The following SBNO1 variants were observed in gnomAD, a reference collection of about 807,000 sequenced individuals.
SBNO1 encodes the protein protein strawberry notch homolog 1.
SBNO1 carries 23 observed loss-of-function variants against 173.6 expected under a neutral mutation model. The ratio of observed to expected loss-of-function variants is 0.13; its 90% confidence interval spans 0.10 to 0.19. The LOEUF (loss-of-function observed/expected upper bound fraction) is 0.19. SBNO1 is among the 10% of genes least tolerant of loss of function. The pLI is 1.00. For missense variants in SBNO1, 1,238 were observed against 1,671.2 expected, an observed-to-expected ratio of 0.74 and a Z score of 4.52; for synonymous variants, 632 against 571.5, an observed-to-expected ratio of 1.11 and a Z score of -1.51.
intron 1 of SBNO1, among the ~76,000 whole-genome samples, chr12:123,354,900 C>A (rs1273869247): frequency 6.6e-6 from 1 of 152,124 alleles, no homozygotes; most frequent in Non-Finnish European, 1.5e-5. Context: ...ATCATAAATA[C>A]ATTTGAAAGC....
chr12:123,304,351 C>T (rs1446650555), intron 29 of SBNO1: 3 of 347,566 alleles, frequency 8.6e-6, no homozygotes, highest in Non-Finnish European at 1.6e-5. Flanking sequence ...TCTCCTACCT[C>T]GGCCTCCCAA....
chr12:123,304,594 C>CT lies in SBNO1; in HGVS notation c.3755dup (p.Lys1253GlufsTer3). On this transcript the variant is annotated frameshift_variant, in exon 29 of 32. Transcript: ENST00000602398. LOFTEE classifies it high-confidence loss of function. ...AATGAAAAAATACCTTCTTATATTT[C>CT]TTTTTTAGATCAGCATAAATTTCTA... The CT allele has an allele frequency of 6.4e-7, 1 of 1,552,632 alleles. No homozygotes were observed. Among genetic ancestry groups the CT allele is most frequent in the Non-Finnish European group, 8.9e-7 (1 of 1,126,188 alleles).
chr12:123,333,977 T>C, intron 7 of SBNO1, 76 bp downstream of exon 7: 2 of 940,814 alleles, frequency 2.1e-6, no homozygotes, highest in Non-Finnish European at 1.5e-6. Flanking sequence ...AAGGAAAAGT[T>C]ACCTTTAGAT....
At chr12:123,314,068 G>A (rs1246577384) in intron 23 of SBNO1, among the ~76,000 whole-genome samples, 3 of 151,936 alleles carry the variant, frequency 2.0e-5, no homozygotes, top group African/African-American at 7.3e-5. Context: ...TGGGCGACAA[G>A]AGCAAAAAAC....
rs796508503 is a variant in SBNO1, at chr12:123,350,228, T to G, written c.132+82A>C. 7 of 1,521,618 alleles carry G rather than the reference T, an allele frequency of 4.6e-6. No individual in the cohort carries two copies. The African/African-American group carries it at 8.3e-5, about 18-fold the overall frequency. 94.3% of individuals were successfully genotyped at this position (1,521,618 alleles called of 1,614,324 possible). On this transcript the variant is annotated intron_variant, in intron 2 of 31. Coordinates refer to ENST00000602398, the MANE Select transcript of SBNO1 (RefSeq NM_001167856.3). Reference sequence around the variant, plus strand: ...ATGACTGCACCACTGCACCCCAGCCTGGGCCACAGAGTGAGACTATCTTAA... The same window carrying G: ...ATGACTGCACCACTGCACCCCAGCCGGGGCCACAGAGTGAGACTATCTTAA...
chr12:123,319,864 G>A (rs762453672), intron 20 of SBNO1, 36 bp downstream of exon 20: 1 of 1,597,940 alleles, frequency 6.3e-7, no homozygotes, highest in African/African-American at 1.3e-5. Flanking sequence ...TACAGGCATT[G>A]TTCTTTTCAC....
chr12:123,337,215 T>C (rs948206841), intron 5 of SBNO1, among the ~76,000 whole-genome samples: 2 of 152,224 alleles, frequency 1.3e-5, no homozygotes, highest in South Asian at 4.1e-4. Context: ...AAACCCAGAC[T>C]GTCCTCGGCA....
At chr12:123,299,705 A>AAAAAAAAAAAAAAAC (rs1566020279) in intron 30 of SBNO1, among the ~76,000 whole-genome samples, 1 of 150,720 alleles carries the variant, frequency 6.6e-6, no homozygotes, top group Non-Finnish European at 1.5e-5. Flanking sequence ...AAAAACAAAA[A>AAAAAAAAAAAAAAAC]AGCCAAGTGT....
rs371947778 is a variant in SBNO1, at chr12:123,309,693, A to G, written c.3442+17T>C. ...TTTCCCTGGGGACATTGTGGGGGGG[A>G]AATTTTCCCTACTTACCTAAGATTC... is the stretch of plus-strand genomic sequence containing the variant. On this transcript the variant is annotated intron_variant, in intron 26 of 31. Coordinates refer to ENST00000602398, the MANE Select transcript of SBNO1 (RefSeq NM_001167856.3). 194 of 1,609,934 alleles carry G rather than the reference A, an allele frequency of 1.2e-4. No individual in the cohort carries two copies. Among genetic ancestry groups the G allele is most frequent in the Non-Finnish European group, 1.5e-4 (173 of 1,178,100 alleles).
chr12:123,318,041 A>G (rs1168588588), intron 20 of SBNO1, among the ~76,000 whole-genome samples: 1 of 152,106 alleles, frequency 6.6e-6, no homozygotes, highest in African/African-American at 2.4e-5. Flanking sequence ...AGCTCTCTAC[A>G]GTTTTCACCT....
chr12:123,335,154 GC>G (rs1871690389), intron 6 of SBNO1, among the ~76,000 whole-genome samples: 1 of 152,118 alleles, frequency 6.6e-6, no homozygotes, highest in Admixed American at 6.6e-5. Flanking sequence ...TTGCGCCACT[GC>G]CTGGCTGGGC....
chr12:123,350,706 T>C (rs1046327891), intron 1 of SBNO1, among the ~76,000 whole-genome samples: 2 of 152,152 alleles, frequency 1.3e-5, no homozygotes, highest in Non-Finnish European at 2.9e-5. Context: ...AAGGAAATAA[T>C]GAACTTTGTG....
chr12:123,357,170 A>G (rs9669169), intron 1 of SBNO1, among the ~76,000 whole-genome samples: 145,071 of 152,282 alleles, frequency 0.95, 69,233 homozygotes, highest in Non-Finnish European at 0.96. Flanking sequence ...ATCTGGGCTG[A>G]GCATGGTGGC....
At position 123,345,539 on chromosome 12, in the gene SBNO1, A is replaced by G; in HGVS notation, c.269T>C (p.Leu90Pro). The change falls in exon 4 of 32, where the codon CTG (leucine) becomes CCG (proline). Residue 90 changes from leucine (L) to proline (P), a missense_variant. Leu to Pro is a moderately conservative substitution (Grantham distance 98). Around this residue, in one of 14 missense-constraint regions of SBNO1, gnomAD observed 287 missense variants for 274.1 expected, o/e 1.05. Coordinates refer to ENST00000602398, the MANE Select transcript of SBNO1 (RefSeq NM_001167856.3). ...QQPPSTTTFVLNQINHLPPLG... is the reference protein window; with the variant it reads ...QQPPSTTTFVPNQINHLPPLG... ...GGGTGGAAGATGATTTATTTGATTC[A>G]GCACAAATGTTGTAGTAGATGGAGG... The G allele has an allele frequency of 1.2e-6, 2 of 1,614,140 alleles. No individual in the cohort carries two copies. Among genetic ancestry groups the G allele is most frequent in the Non-Finnish European group, 1.7e-6 (2 of 1,179,986 alleles).
chr12:123,329,018 A>G (rs1297030253), intron 9 of SBNO1, 123 bp from the exon 10 acceptor site: 4 of 566,546 alleles, frequency 7.1e-6, no homozygotes, highest in Non-Finnish European at 9.0e-6. Context: ...AGAAAACATA[A>G]AAGTACAGAG....
chr12:123,349,773 G>A (rs949797572), intron 2 of SBNO1, among the ~76,000 whole-genome samples: 1 of 152,070 alleles, frequency 6.6e-6, no homozygotes, highest in Non-Finnish European at 1.5e-5. Context: ...AAATTAGCCA[G>A]GCGTCGTGGC....
intron 21 of SBNO1, 104 bp downstream of exon 21, chr12:123,317,117 C>T (rs1016880719): frequency 7.2e-5 from 85 of 1,184,350 alleles, no homozygotes; most frequent in Non-Finnish European, 1.0e-4. Flanking sequence ...GAATTACAGG[C>T]GTGAGCCTCT....
chr12:123,340,917 A>G, intron 5 of SBNO1, 71 bp downstream of exon 5: 1 of 959,116 alleles, frequency 1.0e-6, no homozygotes, highest in Non-Finnish European at 1.6e-6. Flanking sequence ...GGGTTGTTCC[A>G]TATAGAACAC....
At chr12:123,347,694 AATTTTTGT>A (rs1304052085) in intron 3 of SBNO1, among the ~76,000 whole-genome samples, 1 of 151,752 alleles carries the variant, frequency 6.6e-6, no homozygotes, top group Non-Finnish European at 1.5e-5. Context: ...ACACCAAGCT[AATTTTTGT>A]ATTTTTAGTA....
Sources: allele counts gnomAD v4.1 joint callset (sites outside exome capture counted in the v4.1 genomes callset), GRCh38; gene constraint gnomAD v4.1.1; regional missense constraint gnomAD v4.1.1; transcripts MANE v1.5; gene names NCBI Gene and HGNC (gene_info 2026-07-23, HGNC 2026-07-21).